CFAP54: variants seen among roughly 807,000 people sequenced by gnomAD.
CFAP54 encodes cilia and flagella associated protein 54.
In CFAP54, 290 loss-of-function variants were observed where a neutral mutation model predicts 370.4. The ratio of observed to expected loss-of-function variants is 0.78; its 90% CI spans 0.71 to 0.86. CFAP54 has a LOEUF of 0.86. Among genes scored for constraint, CFAP54 ranks in the 40% least tolerant of loss-of-function variants. The pLI, the probability that CFAP54 is intolerant of heterozygous loss-of-function variation, is 0.00. For synonymous variants in CFAP54, 1,206 were observed against 1,236.5 expected (o/e 0.98, Z 0.52); for missense variants, 3,399 against 3,528.7 (o/e 0.96, Z 0.93).
intron 64 of CFAP54, among the ~76,000 whole-genome samples, chr12:96,812,837 A>G (rs1349102323): frequency 6.6e-6 from 1 of 152,160 alleles, no homozygotes; most frequent in African/African-American, 2.4e-5. Context: ...TCAATTGTTC[A>G]GTCAGTTTAT....
intron 15 of CFAP54, 61 bp from the exon 16 acceptor site, chr12:96,554,121 A>G: frequency 9.3e-7 from 1 of 1,075,340 alleles, no homozygotes; most frequent in Non-Finnish European, 1.3e-6. Context: ...CAAAAATTGG[A>G]AGTGTTGCAT....
chr12:96,627,666 G>GTA (rs1956561918), intron 30 of CFAP54, among the ~76,000 whole-genome samples: 1 of 152,084 alleles, frequency 6.6e-6, no homozygotes, highest in Non-Finnish European at 1.5e-5. Flanking sequence ...GAAGCTTAGA[G>GTA]TATATATATG....
At position 96,718,489 on chromosome 12, in the gene CFAP54, A is replaced by G. The variant is rs374859934; in HGVS notation, c.6771A>G (p.Lys2257=). Reference sequence around the variant, plus strand: ...GAAGTTCATTTTATAATCTTACAAAACTTAAAGATGAGATCACTCTTAGCA... The same window carrying G: ...GAAGTTCATTTTATAATCTTACAAAGCTTAAAGATGAGATCACTCTTAGCA... ...DDGSSFYNLT[K]LKDEITLSML... The change falls in exon 49 of 68, where the codon AAA becomes AAG. Residue 2257 remains lysine (K), a synonymous_variant. Transcript: ENST00000524981. 8.2e-6 allele frequency: 13 copies of G among 1,577,488 alleles called. No individual in the cohort carries two copies. Among genetic ancestry groups the G allele is most frequent in the Middle Eastern group, 1.7e-4 (1 of 5,948 alleles).
intron 50 of CFAP54, among the ~76,000 whole-genome samples, chr12:96,728,073 T>A (rs988479326): frequency 1.9e-4 from 29 of 152,350 alleles, no homozygotes; most frequent in African/African-American, 6.7e-4. Context: ...CTTCCCTTTG[T>A]GGGTAACCCA....
At chr12:96,839,418 T>C (rs1747977313) in intron 66 of CFAP54, among the ~76,000 whole-genome samples, 1 of 152,164 alleles carries the variant, frequency 6.6e-6, no homozygotes, top group African/African-American at 2.4e-5. Context: ...AAGGAGGGGC[T>C]GTAGCAGAAG....
intron 22 of CFAP54, among the ~76,000 whole-genome samples, chr12:96,583,568 A>C (rs1047520040): frequency 6.6e-6 from 1 of 152,250 alleles, no homozygotes; most frequent in African/African-American, 2.4e-5. Flanking sequence ...TATTCCACTT[A>C]TTATAATAAC....
In CFAP54 at chr12:96,786,665, CT is replaced by C. The variant is rs796999016; in HGVS notation, c.8456-7del. 22 of 1,508,284 alleles carry C rather than the reference CT, an allele frequency of 1.5e-5. No homozygotes were observed. The African/African-American group carries it at 2.8e-4, about 19-fold the overall frequency. 93.4% of individuals were successfully genotyped at this position (1,508,284 alleles called of 1,614,324 possible). A position where few individuals can be genotyped will look rare whatever the true frequency, so the allele number is the denominator to read the frequency against. On this transcript the variant is annotated splice_polypyrimidine_tract_variant and intron_variant, in intron 61 of 67. Transcript: ENST00000524981. Reference sequence around the variant, plus strand: ...TATGAACCTAAACTAAGGTATTTTTCTTTCTTAAGCATCTGCAACACCAGTA... The same window carrying C: ...TATGAACCTAAACTAAGGTATTTTTCTTCTTAAGCATCTGCAACACCAGTA...
At chr12:96,553,354 G>A (rs1009742969) in intron 15 of CFAP54, among the ~76,000 whole-genome samples, 1 of 151,834 alleles carries the variant, frequency 6.6e-6, no homozygotes, top group Admixed American at 6.6e-5. Flanking sequence ...TATTGCATAT[G>A]GTTAAGGATA....
intron 50 of CFAP54, among the ~76,000 whole-genome samples, chr12:96,739,027 G>A (rs1053090554): frequency 5.9e-5 from 9 of 152,168 alleles, no homozygotes; most frequent in African/African-American, 2.2e-4. Flanking sequence ...CACATTTTGA[G>A]GTACAGGGGG....
intron 8 of CFAP54, 102 bp from the exon 9 acceptor site, chr12:96,527,144 G>A (rs1955391577): frequency 8.7e-6 from 9 of 1,036,972 alleles, no homozygotes; most frequent in Non-Finnish European, 1.2e-5. Flanking sequence ...CAATCCTCCT[G>A]CCTTGGCCTC....
intron 50 of CFAP54, among the ~76,000 whole-genome samples, chr12:96,736,084 C>T (rs560701940): frequency 1.3e-4 from 20 of 152,236 alleles, no homozygotes; most frequent in African/African-American, 4.3e-4. Flanking sequence ...AGAATCGCAA[C>T]TTAAGCCAAA....
In CFAP54 at chr12:96,811,796, A is replaced by G; in HGVS notation, c.8911A>G (p.Thr2971Ala). 2 of 1,525,468 alleles carry G rather than the reference A, an allele frequency of 1.3e-6. No homozygotes were observed. The highest frequency in any genetic ancestry group is 1.7e-4 in the Middle Eastern group (1 of 5,950). The allele number at this position is 1,525,468 out of a possible 1,614,324, so 94.5% of individuals were successfully genotyped here. Residue 2971 changes from threonine (T) to alanine (A), a missense_variant, in exon 64 of 68, where the codon ACT (threonine) becomes GCT (alanine). Around this residue, in one of 3 missense-constraint regions of CFAP54, gnomAD observed 2,796 missense variants for 2,869.7 expected, o/e 0.97. Transcript: ENST00000524981. ...GAAGATTTCAGATGTTAGACATTCC[A>G]CTTATAACAGTACATGTGTTGGCTC... ...PLKISDVRHS[T>A]YNSTCVGSLW...
chr12:96,810,925 C>T (rs1349256262), intron 63 of CFAP54, among the ~76,000 whole-genome samples: 1 of 152,058 alleles, frequency 6.6e-6, no homozygotes, highest in Non-Finnish European at 1.5e-5. Flanking sequence ...GAAGTTTTCT[C>T]AGGCAGATAC....
rs78465855 is a variant in CFAP54 at position 96,791,201 on chromosome 12, T to G, written c.8680-1128T>G. On this transcript the variant is annotated intron_variant, in intron 62 of 67. Coordinates refer to ENST00000524981, the MANE Select transcript of CFAP54 (RefSeq NM_001306084.2). ...GAAGAACGCTTTTTTTTTTTTTTTT[T>G]TGAGACGGAGTCTCACTCTGTTGCC... Among the ~76,000 whole-genome samples, 317 of 151,922 alleles carry G rather than the reference T, an allele frequency of 2.1e-3. 1 individual carries two copies. The highest frequency in any genetic ancestry group is 3.4e-3 in the Middle Eastern group (1 of 294).
intron 32 of CFAP54, among the ~76,000 whole-genome samples, chr12:96,633,164 T>C (rs1956626867): frequency 1.3e-5 from 2 of 152,182 alleles, no homozygotes; most frequent in African/African-American, 4.8e-5. Context: ...CTTATTCCTT[T>C]CTAATGCTCC....
At chr12:96,705,382 C>T (rs775894316) in intron 47 of CFAP54, among the ~76,000 whole-genome samples, 6 of 150,954 alleles carry the variant, frequency 4.0e-5, no homozygotes, top group Admixed American at 6.6e-5. Flanking sequence ...CATTTTATTC[C>T]ACAAAGTTCA....
intron 17 of CFAP54, 71 bp from the exon 18 acceptor site, chr12:96,564,397 C>A: frequency 1.6e-6 from 1 of 621,056 alleles, no homozygotes; most frequent in Non-Finnish European, 2.9e-6. Flanking sequence ...ATAGTTACTC[C>A]TTAGTATTTA....
intron 42 of CFAP54, among the ~76,000 whole-genome samples, chr12:96,685,918 G>A (rs1957324997): frequency 6.6e-6 from 1 of 152,186 alleles, no homozygotes; most frequent in Non-Finnish European, 1.5e-5. Context: ...ACAGTGTGGA[G>A]GCAGTCAGGC....
At chr12:96,679,824 G>A in intron 40 of CFAP54, 72 bp downstream of exon 40, 3 of 1,469,396 alleles carry the variant, frequency 2.0e-6, no homozygotes, top group Non-Finnish European at 2.8e-6. Flanking sequence ...TCCCTCTTCT[G>A]CCCTCTCATT....
Sources: allele counts gnomAD v4.1 joint callset (sites outside exome capture counted in the v4.1 genomes callset), GRCh38; gene constraint gnomAD v4.1.1; regional missense constraint gnomAD v4.1.1; transcripts MANE v1.5; gene names NCBI Gene and HGNC (gene_info 2026-07-23, HGNC 2026-07-21).